Variants in NOTCH2 observed in about 807,000 individuals in gnomAD.
NOTCH2 encodes the protein neurogenic locus notch homolog protein 2.
NOTCH2 carries 29 observed loss-of-function variants against 235.8 expected under a neutral mutation model. The observed-to-expected ratio is 0.12, with a 90% CI of 0.09 to 0.17. The LOEUF is 0.17. NOTCH2 is among the 10% of genes least tolerant of loss of function. The probability of loss-of-function intolerance (pLI) is 1.00; values close to 1 mark genes in which losing one functional copy is unlikely to be tolerated. For missense variants in NOTCH2, 2,285 were observed against 3,150.2 expected (o/e 0.73, Z 6.57); for synonymous variants, 1,086 against 1,141.5 (o/e 0.95, Z 0.98).
chr1:120,003,570 C>G (rs1570736868), intron 3 of NOTCH2, among the ~76,000 whole-genome samples: 2 of 151,580 alleles, frequency 1.3e-5, no homozygotes, highest in East Asian at 3.9e-4. Context: ...TTATAGAACT[C>G]TTGGTTTAGT....
At chr1:120,010,366 A>G (rs1444943864) in intron 2 of NOTCH2, among the ~76,000 whole-genome samples, 3 of 152,184 alleles carry the variant, frequency 2.0e-5, no homozygotes, top group Non-Finnish European at 4.4e-5. Flanking sequence ...TATTTCTAAA[A>G]GATGATCACC....
In NOTCH2 at chr1:119,915,586, G is replaced by GAGGCTGGGAAAGGATGAT. The variant is rs1557801623; in HGVS notation, c.7118_7135dup (p.Tyr2373_Ala2378dup). 1.9e-6 allele frequency: 3 copies of GAGGCTGGGAAAGGATGAT among 1,614,040 alleles called. No individual in the cohort carries two copies. In the South Asian group the frequency reaches 3.3e-5, roughly 18 times the overall value. On this transcript the variant is annotated inframe_insertion, in exon 34 of 34. Coordinates refer to ENST00000256646, the MANE Select transcript of NOTCH2 (RefSeq NM_024408.4). ...AGGGGGTGTGGGGTACTTGCCCACA[G>GAGGCTGGGAAAGGATGAT]AGGCTGGGAAAGGATGATAGGCTGG...
intron 32 of NOTCH2, 98 bp downstream of exon 32, chr1:119,918,308 G>C (rs1280779494): frequency 7.7e-7 from 1 of 1,307,162 alleles, no homozygotes; most frequent in Non-Finnish European, 1.1e-6. Flanking sequence ...TCACGTATTT[G>C]GATCTCAGGC....
chr1:119,975,926 C>G (rs964375423), intron 5 of NOTCH2, among the ~76,000 whole-genome samples: 1 of 151,854 alleles, frequency 6.6e-6, no homozygotes, highest in Admixed American at 6.6e-5. Context: ...AGGGGGACAA[C>G]AAGAGAAAGA....
At chr1:119,996,677 C>G (rs587624218) in intron 4 of NOTCH2, 16 of 1,050,138 alleles carry the variant, frequency 1.5e-5, no homozygotes, top group Non-Finnish European at 2.0e-5. Flanking sequence ...TAATTCTCAT[C>G]GTGTTCTTTT....
Position 120,025,311 on chromosome 1 carries a change from G to A in NOTCH2, c.155+4595C>T, listed in dbSNP as rs587621753. On this transcript the variant is annotated intron_variant, in intron 2 of 33. Transcript: ENST00000256646. ...AAAGACTGAGCAGAAGGCTCCTGGGGCTGGGAGGACAAGTTCTGCCTTAGA... is the reference window on the plus strand; with the variant it reads ...AAAGACTGAGCAGAAGGCTCCTGGGACTGGGAGGACAAGTTCTGCCTTAGA... Among the ~76,000 whole-genome samples, 92 of 151,798 alleles carry A rather than the reference G, an allele frequency of 6.1e-4. 1 individual carries two copies. Among genetic ancestry groups the A allele is most frequent in the Middle Eastern group, 6.9e-3 (2 of 290 alleles).
chr1:119,955,878 A>C (rs1335279085), intron 12 of NOTCH2, among the ~76,000 whole-genome samples: 1 of 152,206 alleles, frequency 6.6e-6, no homozygotes, highest in African/African-American at 2.4e-5. Context: ...TATGGTTCTT[A>C]AACTTTAATG....
intron 24 of NOTCH2, among the ~76,000 whole-genome samples, chr1:119,926,283 C>A (rs1367880817): frequency 1.3e-5 from 2 of 152,168 alleles, no homozygotes; most frequent in African/African-American, 4.8e-5. Context: ...CTCACTGTTT[C>A]TGGGAGTGTC....
At chr1:120,027,038 G>A (rs1263668738) in intron 2 of NOTCH2, among the ~76,000 whole-genome samples, 4 of 138,332 alleles carry the variant, frequency 2.9e-5, no homozygotes, top group Non-Finnish European at 6.2e-5. Flanking sequence ...TGCAAGCTCC[G>A]CCTCCTGGGT....
intron 17 of NOTCH2, among the ~76,000 whole-genome samples, chr1:119,947,864 A>C (rs1487451605): frequency 6.6e-6 from 1 of 152,234 alleles, no homozygotes; most frequent in Non-Finnish European, 1.5e-5. Flanking sequence ...TATGTTCATT[A>C]AAACAAGTCA....
At chr1:119,950,604 C>T (rs782295545) in intron 15 of NOTCH2, 120 bp downstream of exon 15, 1 of 757,274 alleles carries the variant, frequency 1.3e-6, no homozygotes, top group Non-Finnish European at 2.4e-6. Context: ...GGAAGGACAA[C>T]TGAGGAGTGA....
intron 6 of NOTCH2, among the ~76,000 whole-genome samples, chr1:119,969,154 C>A (rs587708447): frequency 6.4e-4 from 98 of 152,342 alleles, no homozygotes; most frequent in African/African-American, 2.3e-3. Context: ...ATGGTTTCTT[C>A]TTAAAATGAA....
rs587695386 is a variant in NOTCH2 at position 119,925,153 on chromosome 1, G to T, written c.4511+152C>A. 5.4e-6 allele frequency: 5 copies of T among 928,442 alleles called. No individual in the cohort carries two copies. The African/African-American group carries it at 6.4e-5, about 12-fold the overall frequency. The allele number at this position is 928,442 out of a possible 1,614,324, so 57.5% of individuals were successfully genotyped here. A position where few individuals can be genotyped will look rare whatever the true frequency, so the allele number is the denominator to read the frequency against. ...CCTGGCCCATTGTCAGCAAGGGAGA[G>T]CACAGGGCAGTGTGCGATGGGACAA... On this transcript the variant is annotated intron_variant, in intron 25 of 33. Transcript: ENST00000256646.
At chr1:119,948,899 G>T in intron 16 of NOTCH2, 108 bp downstream of exon 16, 1 of 1,373,754 alleles carries the variant, frequency 7.3e-7, no homozygotes, top group Non-Finnish European at 1.0e-6. Context: ...TTGACAAGAT[G>T]GACAGGCCTC....
chr1:119,944,522 G>A (rs1452228247), intron 17 of NOTCH2, among the ~76,000 whole-genome samples: 6 of 138,518 alleles, frequency 4.3e-5, no homozygotes, highest in Admixed American at 1.5e-4. Context: ...GCGACAGAGC[G>A]AGACTCAGTC....
intron 13 of NOTCH2, among the ~76,000 whole-genome samples, chr1:119,954,684 GA>G (rs756556943): frequency 2.0e-5 from 3 of 151,930 alleles, no homozygotes; most frequent in East Asian, 3.9e-4. Flanking sequence ...TTAAGCAGGG[GA>G]AAAAAAATCA....
intron 2 of NOTCH2, among the ~76,000 whole-genome samples, chr1:120,029,172 T>C (rs1159233450): frequency 1.3e-5 from 2 of 148,590 alleles, no homozygotes; most frequent in East Asian, 2.0e-4. Flanking sequence ...CAGAATTAGA[T>C]TTTTTACACT....
Position 119,919,304 on chromosome 1 carries a change from T to A in NOTCH2, c.5781+8A>T. ...TATTATTCAAGTGACTCTTCTCATG[T>A]TCTTTACCTGGAAGACACCTTGGGC... is the stretch of plus-strand genomic sequence containing the variant. On this transcript the variant is annotated splice_region_variant and intron_variant, in intron 31 of 33. Transcript: ENST00000256646. The A allele has an allele frequency of 6.2e-7, 1 of 1,609,000 alleles. No individual in the cohort carries two copies. Among genetic ancestry groups the A allele is most frequent in the South Asian group, 1.1e-5 (1 of 91,000 alleles).
intron 3 of NOTCH2, among the ~76,000 whole-genome samples, chr1:120,000,248 A>G (rs1187042512): frequency 3.6e-4 from 54 of 151,908 alleles, no homozygotes; most frequent in African/African-American, 1.1e-3. Flanking sequence ...AAAGATGATC[A>G]GAATCGGCCG....
Sources: allele counts gnomAD v4.1 joint callset (sites outside exome capture counted in the v4.1 genomes callset), GRCh38; gene constraint gnomAD v4.1.1; transcripts MANE v1.5; gene names NCBI Gene and HGNC (gene_info 2026-07-23, HGNC 2026-07-21).